The following KLRF1 variants were observed in gnomAD, a reference collection of about 807,000 sequenced individuals.
The protein encoded by KLRF1 is killer cell lectin-like receptor subfamily F member 1.
Under a neutral mutation model 30.7 loss-of-function variants are expected in KLRF1, and 27 were observed. That is an observed-to-expected ratio of 0.88 (90% CI 0.65 to 1.21). KLRF1 has a LOEUF of 1.21. Among genes scored for constraint, KLRF1 ranks in the 50% most tolerant of loss-of-function variants. The pLI is 0.00. For synonymous variants in KLRF1, 92 were observed against 89.3 expected, an observed-to-expected ratio of 1.03 and a Z score of -0.17; for missense variants, 246 against 259.3, an observed-to-expected ratio of 0.95 and a Z score of 0.35.
At chr12:9,827,091 A>G (rs1296863711), upstream of KLRF1, among the ~76,000 whole-genome samples, 1 of 152,230 alleles carries the variant, frequency 6.6e-6, no homozygotes, top group Non-Finnish European at 1.5e-5. Flanking sequence ...TTTTAGGATA[A>G]AGAATTTAAT....
the KLRF1 span, among the ~76,000 whole-genome samples, chr12:9,822,096 C>G: frequency 6.6e-6 from 1 of 152,194 alleles, no homozygotes; most frequent in Non-Finnish European, 1.5e-5. Flanking sequence ...TCCAGCAACT[C>G]AAATGGCCAG....
upstream of KLRF1, among the ~76,000 whole-genome samples, chr12:9,824,315 C>T (rs1485864273): frequency 1.3e-5 from 2 of 152,140 alleles, no homozygotes; most frequent in Non-Finnish European, 1.5e-5. Flanking sequence ...GTTGGTTCAA[C>T]ATACACAACT....
At chr12:9,828,374 C>T (rs1867331665) in intron 1 of KLRF1, among the ~76,000 whole-genome samples, 1 of 152,082 alleles carries the variant, frequency 6.6e-6, no homozygotes, top group African/African-American at 2.4e-5. Flanking sequence ...AGCCACCGCG[C>T]CCAGCCTTTA....
chr12:9,820,609 T>G, the KLRF1 span, among the ~76,000 whole-genome samples: 1 of 152,078 alleles, frequency 6.6e-6, no homozygotes, highest in African/African-American at 2.4e-5. Context: ...GCTGGACTGT[T>G]CTCCACACAC....
At chr12:9,826,858 C>T (rs1315576149), upstream of KLRF1, among the ~76,000 whole-genome samples, 1 of 151,822 alleles carries the variant, frequency 6.6e-6, no homozygotes. Context: ...TGACAGACAC[C>T]GGAGCCTACT....
the KLRF1 span, among the ~76,000 whole-genome samples, chr12:9,816,553 T>A: frequency 6.6e-6 from 1 of 152,062 alleles, no homozygotes; most frequent in Non-Finnish European, 1.5e-5. Context: ...ACTTCTTTTT[T>A]TTTTTTTGAG....
chr12:9,833,901 CTTT>C (rs35443913), intron 3 of KLRF1, among the ~76,000 whole-genome samples: 9 of 82,396 alleles, frequency 1.1e-4, no homozygotes, highest in South Asian at 3.9e-4. Flanking sequence ...AAATGTTTAA[CTTT>C]TTTTTTTTTT....
Position 9,827,580 on chromosome 12 carries a change from A to G in KLRF1, c.36A>G (p.Val12=), listed in dbSNP as rs1383404634. 1 of 1,609,058 alleles carries G rather than the reference A, an allele frequency of 6.2e-7. No homozygotes were observed. The highest frequency in any genetic ancestry group is 8.5e-7 in the Non-Finnish European group (1 of 1,176,670). ...AAGAAAGATACATGACATTGAATGT[A>G]CAGTCAAAGAAAAGGAGTTCTGCCC... ...QDEERYMTLN[V]QSKKRSSAQT... Residue 12 remains valine (V), a synonymous_variant, in exon 1 of 6, where the codon GTA becomes GTG. Transcript: ENST00000617889.
At chr12:9,817,603 T>G in the KLRF1 span, 1 of 303,404 alleles carries the variant, frequency 3.3e-6, no homozygotes, top group Non-Finnish European at 6.7e-6. Flanking sequence ...CCGGGTTTCT[T>G]CTTTGAAGGT....
chr12:9,841,857 G>A lies in KLRF1; in HGVS notation c.380G>A (p.Trp127Ter), dbSNP rs764178129. 14 of 1,607,836 alleles carry A rather than the reference G, an allele frequency of 8.7e-6. No homozygotes were observed. The African/African-American group carries it at 1.9e-4, about 22-fold the overall frequency. ...EWLKYQGKCY[W>*]FSNEMKSWSD... Reference sequence around the variant, plus strand: ...CTCAAATACCAAGGGAAGTGTTATTGGTTCTCTAATGAGATGAAAAGCTGG... The same window carrying A: ...CTCAAATACCAAGGGAAGTGTTATTAGTTCTCTAATGAGATGAAAAGCTGG... The change falls in exon 4 of 6, where the codon TGG (tryptophan) becomes TAG (stop). Residue 127 changes from tryptophan (W) to a stop codon, truncating the protein, a stop_gained. Coordinates refer to ENST00000617889, the MANE Select transcript of KLRF1 (RefSeq NM_016523.3). LOFTEE classifies it high-confidence loss of function.
At chr12:9,829,542 C>T in intron 1 of KLRF1, among the ~76,000 whole-genome samples, 1 of 152,146 alleles carries the variant, frequency 6.6e-6, no homozygotes, top group Non-Finnish European at 1.5e-5. Context: ...CGCTTGAGGC[C>T]AGGAGTTCAA....
upstream of KLRF1, among the ~76,000 whole-genome samples, chr12:9,827,291 A>G (rs1452622976): frequency 1.3e-5 from 2 of 152,194 alleles, no homozygotes; most frequent in African/African-American, 4.8e-5. Flanking sequence ...TCAAAAGAAT[A>G]TTCAATTCAA....
intron 3 of KLRF1, among the ~76,000 whole-genome samples, chr12:9,838,447 G>T (rs766349332): frequency 6.6e-6 from 1 of 151,998 alleles, no homozygotes; most frequent in Non-Finnish European, 1.5e-5. Context: ...CTTTCATCCC[G>T]GTTGTCCCCC....
intron 1 of KLRF1, among the ~76,000 whole-genome samples, chr12:9,830,547 A>G (rs998086303): frequency 1.3e-5 from 2 of 152,046 alleles, no homozygotes; most frequent in Non-Finnish European, 2.9e-5. Flanking sequence ...TTAGACATAA[A>G]ACTATTATGT....
At chr12:9,803,687 T>C in the KLRF1 span, among the ~76,000 whole-genome samples, 20,374 of 152,042 alleles carry the variant, frequency 0.13, 1,514 homozygotes, top group Non-Finnish European at 0.16. Flanking sequence ...AGCATCACTG[T>C]TATAAAGAAG....
intron 3 of KLRF1, among the ~76,000 whole-genome samples, chr12:9,835,540 C>G (rs1026803659): frequency 6.6e-6 from 1 of 151,832 alleles, no homozygotes; most frequent in South Asian, 2.1e-4. Context: ...GGAAGGTAGC[C>G]GAGGATGGAG....
the KLRF1 span, among the ~76,000 whole-genome samples, chr12:9,802,380 A>G: frequency 6.6e-6 from 1 of 152,228 alleles, no homozygotes; most frequent in South Asian, 2.1e-4. Context: ...AGCCAATATC[A>G]TACTGAATGG....
chr12:9,801,963 A>G, the KLRF1 span, among the ~76,000 whole-genome samples: 1 of 151,960 alleles, frequency 6.6e-6, no homozygotes, highest in East Asian at 1.9e-4. Flanking sequence ...GTTTTCTTTT[A>G]GGATTTTTAT....
chr12:9,821,303 CA>C, the KLRF1 span, among the ~76,000 whole-genome samples: 1 of 152,094 alleles, frequency 6.6e-6, no homozygotes, highest in Non-Finnish European at 1.5e-5. Flanking sequence ...ATGAGACCCC[CA>C]GGGGCAACCA....
Sources: gnomAD v4.1 joint callset for allele counts (sites outside exome capture counted in the v4.1 genomes callset) on GRCh38, gnomAD v4.1.1 for gene constraint, MANE v1.5 for transcripts, NCBI Gene and HGNC (gene_info 2026-07-23, HGNC 2026-07-21) for gene names.